HCRTR2: variants seen among roughly 807,000 people sequenced by gnomAD.
HCRTR2 encodes the protein orexin receptor type 2.
HCRTR2 carries 22 observed loss-of-function variants against 49.0 expected under a neutral mutation model. The ratio of observed to expected loss-of-function variants is 0.45; its 90% CI spans 0.32 to 0.64. The LOEUF (loss-of-function observed/expected upper bound fraction) is 0.64, where lower values mean the gene tolerates loss of function less well. Among genes scored for constraint, HCRTR2 ranks in the 30% least tolerant of loss-of-function variants. The pLI, the probability that HCRTR2 is intolerant of heterozygous loss-of-function variation, is 0.04. For missense variants in HCRTR2, 491 were observed against 559.4 expected (o/e 0.88, Z 1.23); for synonymous variants, 236 against 205.3 (o/e 1.15, Z -1.28).
chr6:55,243,459 G>T (rs1259613663), intron 1 of HCRTR2, among the ~76,000 whole-genome samples: 1 of 152,156 alleles, frequency 6.6e-6, no homozygotes, highest in African/African-American at 2.4e-5. Context: ...CCTACTTTAT[G>T]TCTAAGAGAA....
At position 55,141,390 on chromosome 6, in the gene HCRTR2, G is replaced by C. The variant is rs547332463; in HGVS notation, c.-377-32821G>C. Among the ~76,000 whole-genome samples the C allele has an allele frequency of 9.7e-4, 147 of 152,000 alleles. 1 individual carries two copies. Among genetic ancestry groups the C allele is most frequent in the Middle Eastern group, 3.4e-3 (1 of 294 alleles). On this transcript the variant is annotated intron_variant, in intron 1 of 7. Transcript: ENST00000615358. ...GAAAAAGAAAAATGTGTTAGAAATG[G>C]CTGTTTTTCATGGTCTGGATGAGAA... is the stretch of plus-strand genomic sequence containing the variant.
chr6:55,253,107 T>C (rs1312741532), intron 2 of HCRTR2, among the ~76,000 whole-genome samples: 2 of 152,008 alleles, frequency 1.3e-5, no homozygotes, highest in Admixed American at 1.3e-4. Flanking sequence ...GCAGACTCGA[T>C]TCCAGCTATA....
At chr6:55,256,176 C>T (rs565165979) in intron 3 of HCRTR2, among the ~76,000 whole-genome samples, 26 of 151,980 alleles carry the variant, frequency 1.7e-4, no homozygotes, top group Non-Finnish European at 2.9e-4. Context: ...TTCAGCATAG[C>T]ATGCACTGAT....
At chr6:55,108,590 A>C (rs1764006822) in intron 1 of HCRTR2, among the ~76,000 whole-genome samples, 4 of 151,798 alleles carry the variant, frequency 2.6e-5, no homozygotes, top group Non-Finnish European at 4.4e-5. Flanking sequence ...AGCTGAAATG[A>C]ATTTAGAGAG....
intron 1 of HCRTR2, among the ~76,000 whole-genome samples, chr6:55,133,606 C>A (rs975086560): frequency 6.6e-6 from 1 of 151,896 alleles, no homozygotes; most frequent in Middle Eastern, 3.4e-3. Flanking sequence ...AAACATTGTA[C>A]GTTCTAAGAA....
intron 1 of HCRTR2, 128 bp downstream of exon 1, chr6:55,174,938 T>C: frequency 1.5e-6 from 1 of 684,130 alleles, no homozygotes; most frequent in South Asian, 1.7e-5. Context: ...TCGGATGGGG[T>C]TTTCTAATAA....
At chr6:55,231,098 A>G (rs1766106429) in intron 1 of HCRTR2, among the ~76,000 whole-genome samples, 1 of 152,146 alleles carries the variant, frequency 6.6e-6, no homozygotes, top group South Asian at 2.1e-4. Context: ...AGTTTTTCTA[A>G]AACACATTAT....
At chr6:55,171,121 G>A (rs913919254), upstream of HCRTR2, among the ~76,000 whole-genome samples, 3 of 151,990 alleles carry the variant, frequency 2.0e-5, no homozygotes, top group African/African-American at 7.3e-5. Flanking sequence ...TGGGTCAAAT[G>A]GTATTTCTAG....
chr6:55,171,816 G>T (rs1226383025), upstream of HCRTR2, among the ~76,000 whole-genome samples: 1 of 152,180 alleles, frequency 6.6e-6, no homozygotes, highest in Non-Finnish European at 1.5e-5. Flanking sequence ...GAAGACTGAA[G>T]TATAGACAAG....
chr6:55,171,911 A>G (rs1764955740), upstream of HCRTR2, among the ~76,000 whole-genome samples: 1 of 152,206 alleles, frequency 6.6e-6, no homozygotes, highest in African/African-American at 2.4e-5. Flanking sequence ...TGTCAATGAC[A>G]AGGAATTTGC....
intron 1 of HCRTR2, among the ~76,000 whole-genome samples, chr6:55,135,462 A>C (rs1193645703): frequency 6.6e-6 from 1 of 152,110 alleles, no homozygotes; most frequent in Non-Finnish European, 1.5e-5. Context: ...TTATGGTTTA[A>C]ATGTATTCCT....
At chr6:55,145,417 GTT>G (rs11284230) in intron 1 of HCRTR2, among the ~76,000 whole-genome samples, 10 of 128,742 alleles carry the variant, frequency 7.8e-5, no homozygotes, top group East Asian at 2.4e-4. Flanking sequence ...TTTTTTGTTT[GTT>G]TTTTTTTTTG....
chr6:55,140,628 C>A (rs7761568), intron 1 of HCRTR2, among the ~76,000 whole-genome samples: 93,754 of 151,940 alleles, frequency 0.62, 30,032 homozygotes, highest in African/African-American at 0.72. Context: ...AAATTTTTAA[C>A]ATATATTATC....
At chr6:55,272,594 A>T (rs1167496130) in intron 4 of HCRTR2, among the ~76,000 whole-genome samples, 1 of 143,014 alleles carries the variant, frequency 7.0e-6, no homozygotes, top group African/African-American at 2.5e-5. Context: ...TAAAAATTGA[A>T]GACTTTTTTT....
intron 1 of HCRTR2, among the ~76,000 whole-genome samples, chr6:55,115,529 T>TAGC (rs1764105080): frequency 1.3e-5 from 2 of 151,114 alleles, no homozygotes; most frequent in African/African-American, 4.9e-5. Context: ...GTAGTAGTAG[T>TAGC]ACTAGCAGTA....
intron 1 of HCRTR2, among the ~76,000 whole-genome samples, chr6:55,140,735 T>A (rs1341244075): frequency 1.3e-5 from 2 of 152,160 alleles, no homozygotes; most frequent in Non-Finnish European, 2.9e-5. Flanking sequence ...TATACAAAAG[T>A]ATATCATAGA....
In HCRTR2 at chr6:55,240,947, CT is replaced by C. The variant is rs72298633; in HGVS notation, c.224-7683del. 447 of 173,182 alleles carry C rather than the reference CT, an allele frequency of 2.6e-3. 2 individuals are homozygous for C. The highest frequency in any genetic ancestry group is 8.5e-3 in the African/African-American group (352 of 41,178). 10.7% of individuals were successfully genotyped at this position (173,182 alleles called of 1,614,324 possible). Reference sequence around the variant, plus strand: ...AGATGGTGTTGGCCATTTTATCCTTCTTTTTTTTTGTTTTCTTTTCTTTTTT... The same window carrying C: ...AGATGGTGTTGGCCATTTTATCCTTCTTTTTTTTGTTTTCTTTTCTTTTTT... On this transcript the variant is annotated intron_variant, in intron 1 of 6. Coordinates refer to ENST00000370862, the MANE Select transcript of HCRTR2 (RefSeq NM_001384272.1).
intron 4 of HCRTR2, among the ~76,000 whole-genome samples, chr6:55,273,930 C>T (rs1443841789): frequency 6.6e-6 from 1 of 151,874 alleles, no homozygotes; most frequent in African/African-American, 2.4e-5. Flanking sequence ...CTCAATGTAC[C>T]TTTATTATAA....
At chr6:55,189,731 G>C (rs115880420) in intron 1 of HCRTR2, among the ~76,000 whole-genome samples, 2 of 152,102 alleles carry the variant, frequency 1.3e-5, no homozygotes, top group African/African-American at 4.8e-5. Context: ...AGCAAACTAT[G>C]ATGACACACG....
Sources: gnomAD v4.1 joint callset for allele counts (sites outside exome capture counted in the v4.1 genomes callset) on GRCh38, gnomAD v4.1.1 for gene constraint, MANE v1.5 for transcripts, NCBI Gene and HGNC (gene_info 2026-07-23, HGNC 2026-07-21) for gene names.